MRPL3: variants seen among roughly 807,000 people sequenced by gnomAD.
MRPL3 encodes mitochondrial ribosomal protein L3.
MRPL3 carries 43 observed loss-of-function variants against 44.3 expected under a neutral mutation model. That is an observed-to-expected ratio of 0.97 (90% confidence interval 0.76 to 1.25). The LOEUF is 1.25. Ranked by LOEUF, MRPL3 falls within the 50% of genes most tolerant of loss-of-function variation. The pLI is 0.00. For synonymous variants in MRPL3, 171 were observed against 152.3 expected (o/e 1.12, Z -0.91); for missense variants, 406 against 427.6 (o/e 0.95, Z 0.45).
intron 6 of MRPL3, among the ~76,000 whole-genome samples, chr3:131,474,150 A>T (rs1296430739): frequency 6.6e-6 from 1 of 152,222 alleles, no homozygotes; most frequent in Non-Finnish European, 1.5e-5. Context: ...AATCAACCTA[A>T]GTGTCCAATA....
intron 6 of MRPL3, among the ~76,000 whole-genome samples, chr3:131,482,193 T>C (rs1484271566): frequency 3.3e-5 from 5 of 152,134 alleles, no homozygotes; most frequent in African/African-American, 1.2e-4. Flanking sequence ...GGTGCTCCAA[T>C]ACCTAATCTC....
At chr3:131,482,386 G>A (rs1372666806) in intron 6 of MRPL3, among the ~76,000 whole-genome samples, 1 of 151,994 alleles carries the variant, frequency 6.6e-6, no homozygotes, top group Admixed American at 6.6e-5. Context: ...CGTGGTGGCA[G>A]TTGCCTGTAG....
rs79534309 is a variant in MRPL3 at position 131,501,706 on chromosome 3, G to A, written c.102C>T (p.Ile34=). 3,863 of 1,610,738 alleles carry A rather than the reference G, an allele frequency of 2.4e-3. 91 individuals are homozygous for A. In the East Asian group the frequency reaches 0.057, roughly 24 times the overall value. Residue 34 remains isoleucine, a synonymous_variant, in exon 2 of 10, where the codon ATC becomes ATT. Transcript: ENST00000264995. Reference sequence around the variant, plus strand: ...CATGAAGACCTCTAACAAAAAGCCAGATGTGTGTTCTATAAAAAGAAAAAA... The same window carrying A: ...CATGAAGACCTCTAACAAAAAGCCAAATGTGTGTTCTATAAAAAGAAAAAA... ...AALGPGNRTH[I]WLFVRGLHGK... is the part of the protein sequence containing the mutation.
chr3:131,496,689 C>T (rs1934377154), intron 4 of MRPL3, among the ~76,000 whole-genome samples: 1 of 152,204 alleles, frequency 6.6e-6, no homozygotes, highest in African/African-American at 2.4e-5. Flanking sequence ...AACTGCCTTG[C>T]TTCTAAAGGC....
At chr3:131,489,256 T>C (rs1175621408) in intron 5 of MRPL3, among the ~76,000 whole-genome samples, 3 of 152,134 alleles carry the variant, frequency 2.0e-5, no homozygotes, top group African/African-American at 7.2e-5. Flanking sequence ...TTACCTTGCC[T>C]TAAAATTGCA....
chr3:131,478,394 C>A (rs772032210), intron 6 of MRPL3, among the ~76,000 whole-genome samples: 7 of 152,104 alleles, frequency 4.6e-5, no homozygotes, highest in Non-Finnish European at 8.8e-5. Context: ...AGGTGGTAAT[C>A]TAATCACATA....
rs1445283398 is a variant in MRPL3 at position 131,502,921 on chromosome 3, G to A, written c.-100C>T. On this transcript the variant is annotated 5_prime_UTR_variant, in exon 1 of 10. Coordinates refer to ENST00000264995, the MANE Select transcript of MRPL3 (RefSeq NM_007208.4). ...CCGCCACGTGGACGCAGTAGCCGTG[G>A]GGAAGTTTTCGCAATGGCCGCCGGA... 8.4e-7 allele frequency: 1 copy of A among 1,195,244 alleles called. No individual in the cohort carries two copies. Among genetic ancestry groups the A allele is most frequent in the Non-Finnish European group, 1.2e-6 (1 of 824,558 alleles). The allele number at this position is 1,195,244 out of a possible 1,614,324, so 74.0% of individuals were successfully genotyped here.
chr3:131,470,689 T>G lies in MRPL3; in HGVS notation c.738+482A>C, dbSNP rs1199955924. 2.6e-5 allele frequency among the ~76,000 whole-genome samples: 4 copies of G among 151,894 alleles called. No homozygotes were observed. In the East Asian group the frequency reaches 7.7e-4, roughly 29 times the overall value. Reference sequence around the variant, plus strand: ...CCTTGTGTGCATGCATGCATTCCCCTCCCCCACCAAACAGTATATGCATAC... The same window carrying G: ...CCTTGTGTGCATGCATGCATTCCCCGCCCCCACCAAACAGTATATGCATAC... On this transcript the variant is annotated intron_variant, in intron 7 of 9. Coordinates refer to ENST00000264995, the MANE Select transcript of MRPL3 (RefSeq NM_007208.4).
At chr3:131,498,561 G>A (rs1172659138) in intron 3 of MRPL3, among the ~76,000 whole-genome samples, 1 of 151,830 alleles carries the variant, frequency 6.6e-6, no homozygotes, top group Admixed American at 6.6e-5. Context: ...AATTAGCCGG[G>A]CATGCTGGTG....
intron 6 of MRPL3, 192 bp downstream of exon 6, chr3:131,487,488 T>C (rs894863387): frequency 5.4e-6 from 3 of 553,484 alleles, no homozygotes; most frequent in Non-Finnish European, 9.6e-6. Context: ...TAACCTGATG[T>C]GAACCCTTTA....
intron 1 of MRPL3, 61 bp downstream of exon 1, chr3:131,502,654 GAGGCCCAACTGCACC>G: frequency 7.9e-7 from 1 of 1,258,484 alleles, no homozygotes; most frequent in South Asian, 1.4e-5. Context: ...CCACCCAGGG[GAGGCCCAACTGCACC>G]AGGCCATTCC....
At chr3:131,486,077 G>A (rs1394010416) in intron 6 of MRPL3, among the ~76,000 whole-genome samples, 1 of 152,076 alleles carries the variant, frequency 6.6e-6, no homozygotes, top group Non-Finnish European at 1.5e-5. Flanking sequence ...ACAAGAAATG[G>A]GGAAAGGATT....
At chr3:131,498,051 C>G in intron 4 of MRPL3, 128 bp downstream of exon 4, 1 of 741,820 alleles carries the variant, frequency 1.3e-6, no homozygotes, top group Non-Finnish European at 2.3e-6. Context: ...ACTGCCTCCC[C>G]CAAATACACA....
intron 5 of MRPL3, among the ~76,000 whole-genome samples, chr3:131,488,996 T>C (rs1171263490): frequency 6.6e-6 from 1 of 152,068 alleles, no homozygotes; most frequent in Non-Finnish European, 1.5e-5. Flanking sequence ...CCAAAAACAA[T>C]TTTGTATGAT....
Position 131,498,250 on chromosome 3 carries a change from T to C in MRPL3, c.397A>G (p.Thr133Ala), listed in dbSNP as rs1460190881. 6.2e-7 allele frequency: 1 copy of C among 1,610,958 alleles called. No individual in the cohort carries two copies. Among genetic ancestry groups the C allele is most frequent in the Non-Finnish European group, 8.5e-7 (1 of 1,177,382 alleles). The stretch of plus-strand genomic sequence containing the variant: ...TTTCCATTACAGTTTTCCTTTGACG[T>C]ATATTTTAAGACATGACAGTCTTGT... ...QVQDCHVLKY[T>A]SKENCNGKMA... Residue 133 changes from threonine (T) to alanine (A), a missense_variant, in exon 4 of 10, where the codon ACG (threonine) becomes GCG (alanine). Physicochemically the swap from Thr to Ala is moderately conservative, Grantham distance 58 (BLOSUM62 0). Coordinates refer to ENST00000264995, the MANE Select transcript of MRPL3 (RefSeq NM_007208.4).
chr3:131,479,924 CAAAAGA>C (rs892611284), intron 6 of MRPL3, among the ~76,000 whole-genome samples: 6 of 152,160 alleles, frequency 3.9e-5, no homozygotes, highest in African/African-American at 1.4e-4. Flanking sequence ...AAATCAACAT[CAAAAGA>C]AATTCTGGTA....
chr3:131,502,658 C>G, intron 1 of MRPL3, 72 bp downstream of exon 1: 1 of 1,329,794 alleles, frequency 7.5e-7, no homozygotes, highest in Non-Finnish European at 1.0e-6. Flanking sequence ...CCAGGGGAGG[C>G]CCAACTGCAC....
intron 6 of MRPL3, among the ~76,000 whole-genome samples, chr3:131,477,852 C>G (rs915992118): frequency 1.3e-5 from 2 of 152,108 alleles, no homozygotes; most frequent in Non-Finnish European, 2.9e-5. Flanking sequence ...CAGGGTTTTC[C>G]TCTACCCCTT....
At chr3:131,469,234 G>GCACACA (rs145773394) in intron 8 of MRPL3, among the ~76,000 whole-genome samples, 2 of 135,920 alleles carry the variant, frequency 1.5e-5, no homozygotes, top group East Asian at 4.2e-4. Context: ...ACACACACAC[G>GCACACA]CACACACACA....
Sources: allele counts gnomAD v4.1 joint callset (sites outside exome capture counted in the v4.1 genomes callset), GRCh38; gene constraint gnomAD v4.1.1; transcripts MANE v1.5; gene names NCBI Gene and HGNC (gene_info 2026-07-23, HGNC 2026-07-21).